PRSS35: variants seen among roughly 807,000 people sequenced by gnomAD.
The protein encoded by PRSS35 is serine protease 35.
In PRSS35, 7 loss-of-function variants were observed where a neutral mutation model predicts 8.1. The ratio of observed to expected loss-of-function variants is 0.86; its 90% confidence interval spans 0.49 to 1.62. PRSS35 has a LOEUF of 1.62. PRSS35 is among the 40% of genes most tolerant of loss of function. The pLI is 0.00. For missense variants in PRSS35, 566 were observed against 518.0 expected (o/e 1.09, Z -0.90); for synonymous variants, 199 against 188.7 (o/e 1.05, Z -0.45).
In PRSS35 at chr6:83,523,983, G is replaced by A; in HGVS notation, c.542G>A (p.Ser181Asn). 1 of 1,614,198 alleles carries A rather than the reference G, an allele frequency of 6.2e-7. No individual in the cohort carries two copies. ...GATGGAAAGGACTATGTCAAAGGGA[G>A]TAAAAAGCTAAGGGTAGGGTTGTTG... Reference protein sequence around the residue: ...VHDGKDYVKGSKKLRVGLLKM... With the variant: ...VHDGKDYVKGNKKLRVGLLKM... Residue 181 changes from serine to asparagine, a missense_variant, in exon 2 of 2, where the codon AGT becomes AAT. By Grantham distance (46) the Ser-to-Asn change is conservative. Transcript: ENST00000369700.
Position 83,524,721 on chromosome 6 carries a change from CAG to C in PRSS35, c.*42_*43del. The C allele has an allele frequency of 1.3e-6, 2 of 1,548,728 alleles. No homozygotes were observed. The highest frequency in any genetic ancestry group is 1.7e-6 in the Non-Finnish European group (2 of 1,149,116). ...ACAGGGCGGTGTATCATCTAAATCA[CAG>C]AGAAAACCAGCTCTGCTTACCGTAG... On this transcript the variant is annotated 3_prime_UTR_variant, in exon 2 of 2. Coordinates refer to ENST00000369700, the MANE Select transcript of PRSS35 (RefSeq NM_153362.3).
chr6:83,517,509 G>A (rs1014240677), intron 1 of PRSS35, among the ~76,000 whole-genome samples: 5 of 152,188 alleles, frequency 3.3e-5, no homozygotes, highest in African/African-American at 9.6e-5. Context: ...AAACATCACC[G>A]CTTTCTTTAG....
chr6:83,525,012 C>A lies in PRSS35; in HGVS notation c.*329C>A. On this transcript the variant is annotated 3_prime_UTR_variant, in exon 2 of 2. Coordinates refer to ENST00000369700, the MANE Select transcript of PRSS35 (RefSeq NM_153362.3). The stretch of plus-strand genomic sequence containing the variant: ...AAATAACATGTGACTCCTTAATGGA[C>A]TTATTCTCAGGGTCCTACTCTAAGA... The A allele has an allele frequency of 4.2e-6, 1 of 239,908 alleles. No homozygotes were observed. The highest frequency in any genetic ancestry group is 1.1e-4 in the East Asian group (1 of 9,334). The allele number at this position is 239,908 out of a possible 1,614,324, so 14.9% of individuals were successfully genotyped here. A position where few individuals can be genotyped will look rare whatever the true frequency, so the allele number is the denominator to read the frequency against.
Position 83,524,204 on chromosome 6 carries a change from A to G in PRSS35, c.763A>G (p.Lys255Glu). Residue 255 changes from lysine to glutamate, a missense_variant, in exon 2 of 2, where the codon AAG becomes GAG. By Grantham distance (56) the Lys-to-Glu change is moderately conservative. Coordinates refer to ENST00000369700, the MANE Select transcript of PRSS35 (RefSeq NM_153362.3). ...GRPSFQWTRV[K>E]NTHIPKGWAR... Reference sequence around the variant, plus strand: ...GCCTTCCTTTCAGTGGACCCGGGTCAAGAATACCCACATTCCGAAGGGCTG... The same window carrying G: ...GCCTTCCTTTCAGTGGACCCGGGTCGAGAATACCCACATTCCGAAGGGCTG... The G allele has an allele frequency of 6.2e-7, 1 of 1,614,154 alleles. No homozygotes were observed. The highest frequency in any genetic ancestry group is 1.1e-5 in the South Asian group (1 of 91,076).
Position 83,523,286 on chromosome 6 carries a change from A to G in PRSS35, c.-20-136A>G, listed in dbSNP as rs78192064. The G allele has an allele frequency of 6.2e-3, 4,188 of 679,154 alleles. 137 individuals carry two copies. The African/African-American group carries it at 0.069, about 11-fold the overall frequency. The allele number at this position is 679,154 out of a possible 1,614,324, so 42.1% of individuals were successfully genotyped here. On this transcript the variant is annotated intron_variant, in intron 1 of 1. Transcript: ENST00000369700. Reference sequence around the variant, plus strand: ...ACTTACCAGTGTTTATCTAATCTCAATAAAATCTAGGTAAGGTGAAAATAA... The same window carrying G: ...ACTTACCAGTGTTTATCTAATCTCAGTAAAATCTAGGTAAGGTGAAAATAA...
intron 1 of PRSS35, among the ~76,000 whole-genome samples, chr6:83,512,970 T>A (rs1771651700): frequency 6.6e-6 from 1 of 152,132 alleles, no homozygotes; most frequent in South Asian, 2.1e-4. Flanking sequence ...CCCTCTTTAT[T>A]TTTATGATTG....
chr6:83,523,010 C>A (rs2127713812), intron 1 of PRSS35, among the ~76,000 whole-genome samples: 1 of 152,306 alleles, frequency 6.6e-6, no homozygotes, highest in South Asian at 2.1e-4. Flanking sequence ...GAAAAGACTG[C>A]AGCACATTTG....
At chr6:83,519,726 G>A (rs1050927269) in intron 1 of PRSS35, among the ~76,000 whole-genome samples, 2 of 152,140 alleles carry the variant, frequency 1.3e-5, no homozygotes, top group Non-Finnish European at 2.9e-5. Flanking sequence ...GTGATTCTGA[G>A]GTCATATTAC....
At chr6:83,513,670 T>C (rs1417352186) in intron 1 of PRSS35, among the ~76,000 whole-genome samples, 1 of 152,154 alleles carries the variant, frequency 6.6e-6, no homozygotes, top group African/African-American at 2.4e-5. Context: ...TATTAGGAAA[T>C]ATTAGAGGAG....
At position 83,516,992 on chromosome 6, in the gene PRSS35, A is replaced by G. The variant is rs74716478; in HGVS notation, c.-21+4298A>G. Reference sequence around the variant, plus strand: ...GGATGAGGATATTTGGCATACCACAATGAGGCAGTTAGAGATGTATGAAAT... The same window carrying G: ...GGATGAGGATATTTGGCATACCACAGTGAGGCAGTTAGAGATGTATGAAAT... On this transcript the variant is annotated intron_variant, in intron 1 of 1. Coordinates refer to ENST00000369700, the MANE Select transcript of PRSS35 (RefSeq NM_153362.3). Among the ~76,000 whole-genome samples, 27 of 152,356 alleles carry G rather than the reference A, an allele frequency of 1.8e-4. 3 individuals carry two copies. The East Asian group carries it at 5.0e-3, about 28-fold the overall frequency.
rs936757509 is a variant in PRSS35 at position 83,524,821 on chromosome 6, G to T, written c.*138G>T. ...ATTTCAACATTTTTCAAAATCAGGA[G>T]ATTTTCGTCCATTTAAAAAATGTAT... On this transcript the variant is annotated 3_prime_UTR_variant, in exon 2 of 2. Transcript: ENST00000369700. The T allele has an allele frequency of 1.2e-5, 12 of 1,001,270 alleles. No individual in the cohort carries two copies. The highest frequency in any genetic ancestry group is 6.5e-4 in the Middle Eastern group (2 of 3,084). 62.0% of individuals were successfully genotyped at this position (1,001,270 alleles called of 1,614,324 possible). A position where few individuals can be genotyped will look rare whatever the true frequency, so the allele number is the denominator to read the frequency against.
At chr6:83,513,355 A>T (rs1230554606) in intron 1 of PRSS35, among the ~76,000 whole-genome samples, 1 of 152,200 alleles carries the variant, frequency 6.6e-6, no homozygotes, top group East Asian at 1.9e-4. Context: ...TTTTTTAAAA[A>T]GTTGTAGAAA....
chr6:83,516,575 C>CAAA (rs70987760), intron 1 of PRSS35, among the ~76,000 whole-genome samples: 12 of 101,860 alleles, frequency 1.2e-4, no homozygotes, highest in African/African-American at 3.4e-4. Flanking sequence ...GACTGCGTCT[C>CAAA]AAAAAAAAAA....
Position 83,523,842 on chromosome 6 carries a change from T to C in PRSS35, c.401T>C (p.Leu134Ser). The C allele has an allele frequency of 6.2e-7, 1 of 1,614,184 alleles. No individual in the cohort carries two copies. Among genetic ancestry groups the C allele is most frequent in the Non-Finnish European group, 8.5e-7 (1 of 1,180,032 alleles). ...VYGTDSRFSILDKRFLTNFPF... is the reference protein window; with the variant it reads ...VYGTDSRFSISDKRFLTNFPF... ...GGCACCGACAGCAGGTTCAGCATCT[T>C]GGACAAAAGGTTCTTAACCAATTTC... Residue 134 changes from leucine to serine, a missense_variant, in exon 2 of 2, where the codon TTG (leucine) becomes TCG (serine). By Grantham distance (145) the Leu-to-Ser change is moderately radical. Coordinates refer to ENST00000369700, the MANE Select transcript of PRSS35 (RefSeq NM_153362.3).
In PRSS35 at chr6:83,524,751, A is replaced by T; in HGVS notation, c.*68A>T. 1 of 1,446,036 alleles carries T rather than the reference A, an allele frequency of 6.9e-7. No individual in the cohort carries two copies. Among genetic ancestry groups the T allele is most frequent in the Non-Finnish European group, 9.3e-7 (1 of 1,073,206 alleles). 89.6% of individuals were successfully genotyped at this position (1,446,036 alleles called of 1,614,324 possible). A position where few individuals can be genotyped will look rare whatever the true frequency, so the allele number is the denominator to read the frequency against. On this transcript the variant is annotated 3_prime_UTR_variant, in exon 2 of 2. Transcript: ENST00000369700. Reference sequence around the variant, plus strand: ...AAAACCAGCTCTGCTTACCGTAGTGAGATCACTTCATAGGTTATGCCTGGA... The same window carrying T: ...AAAACCAGCTCTGCTTACCGTAGTGTGATCACTTCATAGGTTATGCCTGGA...
intron 1 of PRSS35, among the ~76,000 whole-genome samples, chr6:83,514,892 T>A (rs1163148228): frequency 6.6e-6 from 1 of 152,220 alleles, no homozygotes; most frequent in Non-Finnish European, 1.5e-5. Flanking sequence ...ATAATAAATT[T>A]CATATGTCTC....
Position 83,524,684 on chromosome 6 carries a change from C to T in PRSS35, c.*1C>T. 6.3e-7 allele frequency: 1 copy of T among 1,598,450 alleles called. No individual in the cohort carries two copies. Among genetic ancestry groups the T allele is most frequent in the South Asian group, 1.1e-5 (1 of 87,500 alleles). On this transcript the variant is annotated 3_prime_UTR_variant, in exon 2 of 2. Transcript: ENST00000369700. ...CGATGCCAATTGTGCTTACGGCTAA[C>T]AGAGACCTGAAACAGGGCGGTGTAT...
At chr6:83,516,831 C>A (rs922907898) in intron 1 of PRSS35, among the ~76,000 whole-genome samples, 1 of 152,122 alleles carries the variant, frequency 6.6e-6, no homozygotes, top group African/African-American at 2.4e-5. Flanking sequence ...CGTCTGCCTC[C>A]TTCTTATATG....
intron 1 of PRSS35, among the ~76,000 whole-genome samples, chr6:83,518,078 TC>T (rs1771755910): frequency 6.6e-6 from 1 of 152,218 alleles, no homozygotes; most frequent in Non-Finnish European, 1.5e-5. Flanking sequence ...TCAATGCAGG[TC>T]CTTCAATGGT....
Sources: allele counts gnomAD v4.1 joint callset (sites outside exome capture counted in the v4.1 genomes callset), GRCh38; gene constraint gnomAD v4.1.1; transcripts MANE v1.5; gene names NCBI Gene and HGNC (gene_info 2026-07-23, HGNC 2026-07-21).